The following SHISA6 variants were observed in gnomAD, a reference collection of about 807,000 sequenced individuals.
SHISA6 encodes shisa family member 6.
A neutral mutation model predicts 47.9 loss-of-function variants in SHISA6; 22 were observed. The ratio of observed to expected loss-of-function variants is 0.46; its 90% CI spans 0.33 to 0.66. The LOEUF (loss-of-function observed/expected upper bound fraction) is 0.66. Ranked by LOEUF, SHISA6 falls within the 30% of genes least tolerant of loss-of-function variation. The pLI is 0.02. For missense variants in SHISA6, 680 were observed against 764.6 expected (o/e 0.89, Z 1.30); for synonymous variants, 388 against 337.8 (o/e 1.15, Z -1.63).
chr17:11,244,249 C>T (rs1329760052), intron 1 of SHISA6, among the ~76,000 whole-genome samples: 8 of 152,194 alleles, frequency 5.3e-5, no homozygotes, highest in African/African-American at 1.9e-4. Flanking sequence ...TTCACAGCCT[C>T]TCTTCCAGCA....
intron 3 of SHISA6, among the ~76,000 whole-genome samples, chr17:11,396,482 A>C (rs369791116): frequency 1.6e-4 from 24 of 152,240 alleles, no homozygotes; most frequent in African/African-American, 5.5e-4. Flanking sequence ...AGAATGATTT[A>C]TAATCCTTTG....
chr17:11,404,443 C>G (rs901803274), intron 3 of SHISA6, among the ~76,000 whole-genome samples: 95 of 152,286 alleles, frequency 6.2e-4, no homozygotes, highest in Middle Eastern at 3.4e-3. Context: ...TCCCAGCTCC[C>G]TCTTAATGGA....
At chr17:11,443,618 A>G (rs1915151610) in intron 3 of SHISA6, among the ~76,000 whole-genome samples, 1 of 152,192 alleles carries the variant, frequency 6.6e-6, no homozygotes, top group South Asian at 2.1e-4. Context: ...TAATAATAGC[A>G]TCTACTTTAT....
chr17:11,350,345 A>C lies in SHISA6; in HGVS notation c.800-29069A>C. The stretch of plus-strand genomic sequence containing the variant: ...CAGGCGCCTGCCACCACGCCCGGCT[A>C]ATTTTTTTGTCATTTTAGTAGAGAC... On this transcript the variant is annotated intron_variant, in intron 2 of 5. Transcript: ENST00000441885. 1.4e-3 allele frequency among the ~76,000 whole-genome samples: 3 copies of C among 2,098 alleles called. 1 individual carries two copies. Among genetic ancestry groups the C allele is most frequent in the Non-Finnish European group, 0.067 (2 of 30 alleles). 1.4% of individuals were successfully genotyped at this position (2,098 alleles called of 152,430 possible). A position where few individuals can be genotyped will look rare whatever the true frequency, so the allele number is the denominator to read the frequency against.
Position 11,515,309 on chromosome 17 carries a change from AG to A in SHISA6, c.896-36586del, listed in dbSNP as rs1471051506. 1.2e-3 allele frequency among the ~76,000 whole-genome samples: 158 copies of A among 126,668 alleles called. 1 individual carries two copies. Among genetic ancestry groups the A allele is most frequent in the African/African-American group, 4.9e-3 (157 of 31,942 alleles). The allele number at this position is 126,668 out of a possible 152,430, so 83.1% of individuals were successfully genotyped here. On this transcript the variant is annotated intron_variant, in intron 3 of 5. Coordinates refer to ENST00000441885, the MANE Select transcript of SHISA6 (RefSeq NM_207386.4). ...GAAAAGAAGAAAGAGGAAGGAAGAA[AG>A]AAAAAGGAAGGAAGGAAGGAAGGAA...
intron 3 of SHISA6, among the ~76,000 whole-genome samples, chr17:11,482,270 A>G (rs568739567): frequency 1.3e-5 from 2 of 152,368 alleles, no homozygotes; most frequent in African/African-American, 4.8e-5. Context: ...AGAATTTGAC[A>G]ATGTCCTGGC....
At chr17:11,402,908 G>A (rs1913826551) in intron 3 of SHISA6, among the ~76,000 whole-genome samples, 1 of 152,200 alleles carries the variant, frequency 6.6e-6, no homozygotes, top group African/African-American at 2.4e-5. Context: ...AATAGCTGAA[G>A]CGATGGTAAT....
rs1280305902 is a variant in SHISA6, at chr17:11,458,241, A to T, written c.895+78732A>T. Among the ~76,000 whole-genome samples the T allele has an allele frequency of 3.3e-5, 5 of 152,106 alleles. No individual in the cohort carries two copies. In the East Asian group the frequency reaches 9.7e-4, roughly 29 times the overall value. On this transcript the variant is annotated intron_variant, in intron 3 of 5. Coordinates refer to ENST00000441885, the MANE Select transcript of SHISA6 (RefSeq NM_207386.4). ...AACTTCTTCAGGCTTCGGTTTTCTC[A>T]TCTGTAGGTGGTGAACATGTCTGCC... is the stretch of plus-strand genomic sequence containing the variant.
intron 2 of SHISA6, among the ~76,000 whole-genome samples, chr17:11,346,468 A>G (rs1911701990): frequency 6.6e-6 from 1 of 152,182 alleles, no homozygotes; most frequent in South Asian, 2.1e-4. Flanking sequence ...GTGAACTCTC[A>G]GAGATTTCAG....
intron 3 of SHISA6, among the ~76,000 whole-genome samples, chr17:11,549,935 A>G (rs539546290): frequency 6.6e-6 from 1 of 151,990 alleles, no homozygotes; most frequent in South Asian, 2.1e-4. Flanking sequence ...AACTGTTTCA[A>G]TCTTTGGCAA....
intron 3 of SHISA6, among the ~76,000 whole-genome samples, chr17:11,513,736 G>A (rs2071560273): frequency 6.6e-6 from 1 of 152,148 alleles, no homozygotes; most frequent in Admixed American, 6.5e-5. Context: ...TTCACAAGTC[G>A]AGCATTGGTC....
intron 2 of SHISA6, among the ~76,000 whole-genome samples, chr17:11,294,479 CA>C (rs1909669447): frequency 6.6e-6 from 1 of 152,182 alleles, no homozygotes; most frequent in South Asian, 2.1e-4. Flanking sequence ...AAGACAGTGG[CA>C]TGAGCAGGTT....
At chr17:11,347,702 T>C (rs1911748015) in intron 2 of SHISA6, among the ~76,000 whole-genome samples, 1 of 152,192 alleles carries the variant, frequency 6.6e-6, no homozygotes, top group South Asian at 2.1e-4. Context: ...ACAAAAGCAG[T>C]GTGGGTAGGC....
chr17:11,308,789 T>A (rs1049634484), intron 2 of SHISA6, among the ~76,000 whole-genome samples: 7 of 152,162 alleles, frequency 4.6e-5, no homozygotes, highest in Non-Finnish European at 1.0e-4. Flanking sequence ...AGGCAACAGC[T>A]GTAAAGAAAA....
chr17:11,344,864 A>G (rs1911646790), intron 2 of SHISA6, among the ~76,000 whole-genome samples: 1 of 152,118 alleles, frequency 6.6e-6, no homozygotes, highest in Non-Finnish European at 1.5e-5. Context: ...AGTTCTATAG[A>G]ACGCTAGAAA....
intron 3 of SHISA6, among the ~76,000 whole-genome samples, chr17:11,388,839 T>C (rs1449098194): frequency 9.8e-6 from 1 of 102,306 alleles, no homozygotes; most frequent in Non-Finnish European, 1.9e-5. Flanking sequence ...TATATATATA[T>C]ATTTTAAAAA....
intron 2 of SHISA6, among the ~76,000 whole-genome samples, chr17:11,365,948 A>T (rs1912436054): frequency 6.6e-6 from 1 of 152,228 alleles, no homozygotes; most frequent in Non-Finnish European, 1.5e-5. Context: ...ACAAGAATCT[A>T]GGTTTACAAA....
rs367643702 is a variant in SHISA6 at position 11,255,620 on chromosome 17, G to C, written c.639-7746G>C. On this transcript the variant is annotated intron_variant, in intron 1 of 5. Transcript: ENST00000441885. ...TTGGCTGTCAAAGTCCAAGTTCAGG[G>C]TTCAGCAGAAACGGGTGTGTGGTCA... Among the ~76,000 whole-genome samples the C allele has an allele frequency of 3.9e-5, 6 of 152,176 alleles. No homozygotes were observed. The East Asian group carries it at 5.8e-4, about 15-fold the overall frequency.
intron 3 of SHISA6, among the ~76,000 whole-genome samples, chr17:11,413,241 G>C (rs183836542): frequency 6.6e-6 from 1 of 152,274 alleles, no homozygotes; most frequent in Admixed American, 6.5e-5. Context: ...TCAGACTTTC[G>C]ATGATACGTC....
Sources: gnomAD v4.1 joint callset for allele counts (sites outside exome capture counted in the v4.1 genomes callset) on GRCh38, gnomAD v4.1.1 for gene constraint, MANE v1.5 for transcripts, NCBI Gene and HGNC (gene_info 2026-07-23, HGNC 2026-07-21) for gene names.